The following RNF213 variants were observed in gnomAD, a reference collection of about 807,000 sequenced individuals.
RNF213 encodes the protein E3 ubiquitin-protein ligase RNF213.
A neutral mutation model predicts 514.4 loss-of-function variants in RNF213; 341 were observed. The ratio of observed to expected loss-of-function variants is 0.66; its 90% confidence interval spans 0.61 to 0.73. The LOEUF (loss-of-function observed/expected upper bound fraction) is 0.73. Among genes scored for constraint, RNF213 ranks in the 30% least tolerant of loss-of-function variants. The pLI, the probability that RNF213 is intolerant of heterozygous loss-of-function variation, is 0.00. For missense variants in RNF213, 5,767 were observed against 6,615.6 expected (o/e 0.87, Z 4.45); for synonymous variants, 2,655 against 2,658.2 (o/e 1.00, Z 0.04).
rs200437340 is a variant in RNF213 at position 80,288,234 on chromosome 17, T to C, written c.681T>C (p.Ala227=). The C allele has an allele frequency of 1.4e-4, 219 of 1,613,146 alleles. No individual in the cohort carries two copies. Among genetic ancestry groups the C allele is most frequent in the Admixed American group, 8.3e-5 (5 of 60,002 alleles). ...AGGGGACCGGTCCCCCCACCTCTGC[T>C]GGTGAAGGCCATTCTAGGACTGAAG... is the stretch of plus-strand genomic sequence containing the variant. The part of the protein sequence containing the change: ...SQEGTGPPTS[A]GEGHSRTEDA... The change falls in exon 4 of 68, where the codon GCT becomes GCC. Residue 227 remains alanine (A), a synonymous_variant. Transcript: ENST00000582970. This position sits in a 1 kb window ranked among gnomAD's most constrained non-coding sequence, Gnocchi z 4.9.
At chr17:80,349,561 G>A (rs1187498375) in intron 29 of RNF213, among the ~76,000 whole-genome samples, 3 of 152,184 alleles carry the variant, frequency 2.0e-5, no homozygotes, top group East Asian at 1.9e-4. Flanking sequence ...GGGTGGGGTC[G>A]TCTCTCCAAT....
intron 3 of RNF213, 124 bp from the exon 4 acceptor site, chr17:80,287,691 T>C: frequency 1.1e-6 from 1 of 892,230 alleles, no homozygotes; most frequent in Non-Finnish European, 1.8e-6. Flanking sequence ...ATTTAACAGA[T>C]GTTAGGTACT....
intron 8 of RNF213, 80 bp downstream of exon 8, chr17:80,291,907 G>T: frequency 6.7e-7 from 1 of 1,492,006 alleles, no homozygotes; most frequent in South Asian, 1.2e-5. Context: ...CGTCTCTCTG[G>T]AGAGCACAGA....
chr17:80,369,744 C>T, intron 45 of RNF213, 24 bp from the exon 46 acceptor site: 1 of 1,612,102 alleles, frequency 6.2e-7, no homozygotes. Flanking sequence ...ATGCAGTGAG[C>T]TGCCTTTTTC....
In RNF213 at chr17:80,343,118, T is replaced by G; in HGVS notation, c.5990-14T>G. The G allele has an allele frequency of 1.2e-6, 2 of 1,609,582 alleles. No individual in the cohort carries two copies. Among genetic ancestry groups the G allele is most frequent in the Non-Finnish European group, 1.7e-6 (2 of 1,175,964 alleles). On this transcript the variant is annotated splice_polypyrimidine_tract_variant and intron_variant, in intron 26 of 67. Transcript: ENST00000582970. This position sits in a 1 kb window ranked among gnomAD's most constrained non-coding sequence, Gnocchi z 4.3. ...CCACCACTCCCAGCCCTAATTTCTGTATTAATGTTATAGGAAAGTCTCTGT... is the reference window on the plus strand; with the variant it reads ...CCACCACTCCCAGCCCTAATTTCTGGATTAATGTTATAGGAAAGTCTCTGT...
rs772405453 is a variant in RNF213, at chr17:80,347,193, T to C, written c.8858T>C (p.Leu2953Pro). 5.0e-6 allele frequency: 8 copies of C among 1,613,760 alleles called. No homozygotes were observed. In the South Asian group the frequency reaches 7.7e-5, roughly 16 times the overall value. ...CGCCAGGACAAGGAATTCTTCGGGC[T>C]TCGTGACTACTACAGCCTCATCAAA... ...CKRQDKEFFG[L>P]RDYYSLIKMV... The change falls in exon 29 of 68, where the codon CTT becomes CCT. Residue 2953 changes from leucine to proline, a missense_variant. Leu to Pro is a moderately conservative substitution (Grantham distance 98, BLOSUM62 -3). Coordinates refer to ENST00000582970, the MANE Select transcript of RNF213 (RefSeq NM_001256071.3). The surrounding 1 kb of genome is among the most constrained non-coding windows in gnomAD (Gnocchi z 7.2).
chr17:80,289,496 A>G (rs544692355), intron 5 of RNF213, among the ~76,000 whole-genome samples, 163 bp from the exon 6 acceptor site: 11 of 151,780 alleles, frequency 7.2e-5, no homozygotes, highest in Middle Eastern at 3.4e-3. Context: ...AGGCTGTCGC[A>G]GGAGAATTGC....
chr17:80,263,235 C>T lies in RNF213; in HGVS notation c.-108-339C>T, dbSNP rs924519411. On this transcript the variant is annotated intron_variant, in intron 1 of 67. Coordinates refer to ENST00000582970, the MANE Select transcript of RNF213 (RefSeq NM_001256071.3). The surrounding 1 kb of genome is among the most constrained non-coding windows in gnomAD (Gnocchi z 4.9). ...TGGGCTGCCTGCTCAGGCCCCATCACCTGTGGGGCAGGTGCTTTAGTCCCC... is the reference window on the plus strand; with the variant it reads ...TGGGCTGCCTGCTCAGGCCCCATCATCTGTGGGGCAGGTGCTTTAGTCCCC... Among the ~76,000 whole-genome samples, 5 of 152,194 alleles carry T rather than the reference C, an allele frequency of 3.3e-5. No individual in the cohort carries two copies. The highest frequency in any genetic ancestry group is 5.9e-5 in the Non-Finnish European group (4 of 68,036).
chr17:80,364,752 T>C (rs1280270180), intron 42 of RNF213, 199 bp downstream of exon 42: 4 of 619,964 alleles, frequency 6.5e-6, no homozygotes, highest in Non-Finnish European at 8.5e-6. Flanking sequence ...CCTCTGCTGA[T>C]TGCTAAGTCA....
At chr17:80,386,482 A>G in intron 62 of RNF213, 52 bp downstream of exon 62, 11 of 1,591,690 alleles carry the variant, frequency 6.9e-6, no homozygotes, top group Non-Finnish European at 9.5e-6. Flanking sequence ...AGAGTCCCTA[A>G]GCCCAGTGGG....
Position 80,348,003 on chromosome 17 carries a change from C to A in RNF213, c.9668C>A (p.Ser3223Ter). The change falls in exon 29 of 68, where the codon TCG becomes TAG. Residue 3223 changes from serine (S) to a stop codon, truncating the protein, a stop_gained. Transcript: ENST00000582970. LOFTEE classifies it high-confidence loss of function. ...SPSDVFIGYH[S>*]DACASVVLQV... is the part of the protein sequence containing the mutation. Reference sequence around the variant, plus strand: ...TCTGACGTCTTCATCGGCTACCACTCGGACGCCTGCGCGTCTGTGGTGCTG... The same window carrying A: ...TCTGACGTCTTCATCGGCTACCACTAGGACGCCTGCGCGTCTGTGGTGCTG... 6.2e-7 allele frequency: 1 copy of A among 1,614,216 alleles called. No homozygotes were observed. Among genetic ancestry groups the A allele is most frequent in the Non-Finnish European group, 8.5e-7 (1 of 1,180,034 alleles).
At position 80,332,389 on chromosome 17, in the gene RNF213, G is replaced by A; in HGVS notation, c.3901G>A (p.Ala1301Thr). 3.9e-6 allele frequency: 6 copies of A among 1,537,168 alleles called. No homozygotes were observed. Among genetic ancestry groups the A allele is most frequent in the Non-Finnish European group, 4.4e-6 (5 of 1,146,920 alleles). The stretch of plus-strand genomic sequence containing the variant: ...TCTAAAGTCAGGAGAGGTCACCCTT[G>A]CAGAGATTGATGTCATCTTCAAGGA... ...QDLKSGEVTLAEIDVIFKDFV... is the reference protein window; with the variant it reads ...QDLKSGEVTLTEIDVIFKDFV... Residue 1301 changes from alanine (A) to threonine (T), a missense_variant, in exon 21 of 68, where the codon GCA becomes ACA. Coordinates refer to ENST00000582970, the MANE Select transcript of RNF213 (RefSeq NM_001256071.3).
chr17:80,288,562 C>T lies in RNF213; in HGVS notation c.811-71C>T, dbSNP rs1024966917. ...CCCTCGGCTTGTGGCAGATGCTGCC[C>T]CTTAAACCATTGAGTCGGAGTCACC... On this transcript the variant is annotated intron_variant, in intron 4 of 67. Transcript: ENST00000582970. The surrounding 1 kb of genome is among the most constrained non-coding windows in gnomAD (Gnocchi z 4.9). The T allele has an allele frequency of 1.2e-6, 2 of 1,613,538 alleles. No individual in the cohort carries two copies. The highest frequency in any genetic ancestry group is 1.7e-5 in the Admixed American group (1 of 60,024).
Position 80,298,357 on chromosome 17 carries a change from C to T in RNF213, c.2049C>T (p.Cys683=). Residue 683 remains cysteine, a synonymous_variant, in exon 11 of 68, where the codon TGC becomes TGT. Coordinates refer to ENST00000582970, the MANE Select transcript of RNF213 (RefSeq NM_001256071.3). ...RLYLVNLCQR[C]MDTRTYTWLG... ...ACCTGGTGAACCTGTGCCAAAGATG[C>T]ATGGACACAAGGACGTACACCTGGC... 4.3e-6 allele frequency: 7 copies of T among 1,614,168 alleles called. No individual in the cohort carries two copies. The highest frequency in any genetic ancestry group is 3.3e-4 in the Middle Eastern group (2 of 6,058).
chr17:80,287,934 G>T lies in RNF213; in HGVS notation c.381G>T (p.Trp127Cys), dbSNP rs536873602. ...PCHLTLLSNP[W>C]PQDTALPHSQ... The stretch of plus-strand genomic sequence containing the variant: ...ACCTGACTTTGCTTTCAAACCCGTG[G>T]CCTCAGGACACAGCCCTGCCCCACA... Residue 127 changes from tryptophan to cysteine, a missense_variant, in exon 4 of 68, where the codon TGG becomes TGT. Trp to Cys is a radical substitution (Grantham distance 215). Coordinates refer to ENST00000582970, the MANE Select transcript of RNF213 (RefSeq NM_001256071.3). The T allele has an allele frequency of 3.2e-6, 5 of 1,569,484 alleles. No homozygotes were observed. Among genetic ancestry groups the T allele is most frequent in the Non-Finnish European group, 4.3e-6 (5 of 1,157,268 alleles).
chr17:80,328,207 C>A, intron 19 of RNF213, 121 bp from the exon 20 acceptor site: 1 of 1,282,308 alleles, frequency 7.8e-7, no homozygotes, highest in Non-Finnish European at 1.1e-6. Context: ...AGTGGGTATG[C>A]GCAAAACCAT....
At chr17:80,275,081 G>A (rs2044004420) in intron 3 of RNF213, among the ~76,000 whole-genome samples, 1 of 142,466 alleles carries the variant, frequency 7.0e-6, no homozygotes, top group African/African-American at 2.6e-5. Context: ...TGTGTGAGTG[G>A]GGTGTGTTGG....
At chr17:80,268,639 TTATC>T (rs2043694004) in intron 2 of RNF213, among the ~76,000 whole-genome samples, 1 of 107,288 alleles carries the variant, frequency 9.3e-6, no homozygotes, top group East Asian at 3.3e-4. Context: ...ATCCATCCGT[TTATC>T]TGTCTATCTA....
rs1386038165 is a variant in RNF213 at position 80,397,688 on chromosome 17, G to A, written c.*4190G>A. On this transcript the variant is annotated 3_prime_UTR_variant, in exon 68 of 68. Coordinates refer to ENST00000582970, the MANE Select transcript of RNF213 (RefSeq NM_001256071.3). Reference sequence around the variant, plus strand: ...AATTGCTCACTCGGGGAGCTCAGTTGTTGGAGACATGAGTCTTGCCGAAGC... The same window carrying A: ...AATTGCTCACTCGGGGAGCTCAGTTATTGGAGACATGAGTCTTGCCGAAGC... The A allele has an allele frequency of 6.6e-6, 1 of 151,882 alleles. No individual in the cohort carries two copies. The highest frequency in any genetic ancestry group is 2.4e-5 in the African/African-American group (1 of 41,320). 9.4% of individuals were successfully genotyped at this position (151,882 alleles called of 1,614,324 possible).
Sources: gnomAD v4.1 joint callset for allele counts (sites outside exome capture counted in the v4.1 genomes callset) on GRCh38, gnomAD v4.1.1 for gene constraint, Gnocchi (gnomAD v3.1) non-coding constraint, MANE v1.5 for transcripts, NCBI Gene and HGNC (gene_info 2026-07-23, HGNC 2026-07-21) for gene names.